TNR: variants seen among roughly 807,000 people sequenced by gnomAD.
TNR encodes tenascin-R.
TNR carries 45 observed loss-of-function variants against 150.4 expected under a neutral mutation model. That is an observed-to-expected ratio of 0.30 (90% CI 0.24 to 0.38). The LOEUF is 0.38. Among genes scored for constraint, TNR ranks in the 10% least tolerant of loss-of-function variants. TNR has a pLI of 1.00. For missense variants in TNR, 1,544 were observed against 1,759.1 expected, an observed-to-expected ratio of 0.88 and a Z score of 2.19; for synonymous variants, 687 against 678.4, an observed-to-expected ratio of 1.01 and a Z score of -0.20.
intron 1 of TNR, among the ~76,000 whole-genome samples, chr1:175,653,574 G>A (rs1665069803): frequency 6.6e-6 from 1 of 152,070 alleles, no homozygotes; most frequent in South Asian, 2.1e-4. Context: ...ACAAGAGAGG[G>A]GTCTGGTAGT....
intron 1 of TNR, among the ~76,000 whole-genome samples, chr1:175,679,847 G>T (rs1226432936): frequency 6.6e-6 from 1 of 152,200 alleles, no homozygotes; most frequent in Non-Finnish European, 1.5e-5. Flanking sequence ...CCATTGCTCT[G>T]ACTTCTGTTT....
At chr1:175,395,397 T>A (rs1348206470) in intron 5 of TNR, among the ~76,000 whole-genome samples, 1 of 152,234 alleles carries the variant, frequency 6.6e-6, no homozygotes, top group Admixed American at 6.5e-5. Flanking sequence ...TGGTAAGTCC[T>A]ATTTACTGGC....
At chr1:175,634,585 C>T (rs1239646303) in intron 1 of TNR, among the ~76,000 whole-genome samples, 3 of 152,130 alleles carry the variant, frequency 2.0e-5, no homozygotes, top group Non-Finnish European at 4.4e-5. Flanking sequence ...TTGTTTGGGA[C>T]TTAGTATGTG....
rs558771173 is a variant in TNR at position 175,316,088 on chromosome 1, C to A, written c.*7269G>T. 6.6e-6 allele frequency: 1 copy of A among 152,288 alleles called. No homozygotes were observed. Among genetic ancestry groups the A allele is most frequent in the African/African-American group, 2.4e-5 (1 of 41,548 alleles). 9.4% of individuals were successfully genotyped at this position (152,288 alleles called of 1,614,324 possible). On this transcript the variant is annotated 3_prime_UTR_variant, in exon 23 of 23. Transcript: ENST00000367674. The stretch of plus-strand genomic sequence containing the variant: ...TTCTGGGGTTCTTTCTTGGGGAGAT[C>A]TATTCCTTTATATATAAACATCATT...
intron 1 of TNR, among the ~76,000 whole-genome samples, chr1:175,708,162 G>A (rs1330849678): frequency 6.6e-6 from 1 of 152,104 alleles, no homozygotes; most frequent in Non-Finnish European, 1.5e-5. Context: ...CAGTAACATA[G>A]AAAGCCCAAT....
At chr1:175,739,287 C>T (rs1050608782) in intron 1 of TNR, among the ~76,000 whole-genome samples, 8 of 152,138 alleles carry the variant, frequency 5.3e-5, no homozygotes, top group African/African-American at 1.9e-4. Context: ...ACATTTTAAG[C>T]TCTACTAAAG....
chr1:175,354,272 G>T, intron 18 of TNR, 119 bp downstream of exon 18: 1 of 1,339,774 alleles, frequency 7.5e-7, no homozygotes, highest in South Asian at 1.5e-5. Flanking sequence ...GGAAAAGAAG[G>T]AGGAGGCAAC....
chr1:175,406,889 G>T, intron 2 of TNR, 112 bp from the exon 3 acceptor site: 1 of 755,954 alleles, frequency 1.3e-6, no homozygotes, highest in South Asian at 1.9e-5. Flanking sequence ...TTCAAGGGGG[G>T]GGCGTCAGGA....
At chr1:175,524,088 G>A (rs1052932467) in intron 2 of TNR, among the ~76,000 whole-genome samples, 1 of 151,926 alleles carries the variant, frequency 6.6e-6, no homozygotes, top group Non-Finnish European at 1.5e-5. Flanking sequence ...CCCAAGACAG[G>A]GCTAATAATG....
intron 6 of TNR, 36 bp from the exon 7 acceptor site, chr1:175,391,474 A>C: frequency 6.2e-7 from 1 of 1,602,756 alleles, no homozygotes; most frequent in Non-Finnish European, 8.5e-7. Flanking sequence ...CAAAAGAGAA[A>C]AGTCACTGGG....
At chr1:175,460,912 C>T (rs555384107) in intron 2 of TNR, among the ~76,000 whole-genome samples, 1 of 152,334 alleles carries the variant, frequency 6.6e-6, no homozygotes, top group South Asian at 2.1e-4. Flanking sequence ...CACACATGTA[C>T]ATGCTCATAT....
intron 1 of TNR, among the ~76,000 whole-genome samples, chr1:175,703,545 C>G (rs1666761134): frequency 1.3e-5 from 2 of 152,166 alleles, no homozygotes; most frequent in Non-Finnish European, 2.9e-5. Flanking sequence ...TCAGTTAACA[C>G]TTGGCTGTAC....
chr1:175,521,413 A>G (rs1042185938), intron 2 of TNR, among the ~76,000 whole-genome samples: 1 of 152,200 alleles, frequency 6.6e-6, no homozygotes, highest in African/African-American at 2.4e-5. Flanking sequence ...ACATGAGGAA[A>G]AAGATGCCTC....
In TNR at chr1:175,316,708, G is replaced by A. The variant is rs769206224; in HGVS notation, c.*6649C>T. On this transcript the variant is annotated 3_prime_UTR_variant, in exon 23 of 23. Coordinates refer to ENST00000367674, the MANE Select transcript of TNR (RefSeq NM_003285.3). Reference sequence around the variant, plus strand: ...GTGGGGTGGGGGGTATTGGGTTTATGTTCTGGTTCTTATCTTCCCCCTCTC... The same window carrying A: ...GTGGGGTGGGGGGTATTGGGTTTATATTCTGGTTCTTATCTTCCCCCTCTC... 4.6e-5 allele frequency: 7 copies of A among 152,044 alleles called. No individual in the cohort carries two copies. The highest frequency in any genetic ancestry group is 1.0e-4 in the Non-Finnish European group (7 of 67,996). 9.4% of individuals were successfully genotyped at this position (152,044 alleles called of 1,614,324 possible). A position where few individuals can be genotyped will look rare whatever the true frequency, so the allele number is the denominator to read the frequency against.
At position 175,365,075 on chromosome 1, in the gene TNR, A is replaced by G. The variant is rs750548490; in HGVS notation, c.2522T>C (p.Ile841Thr). ...GCCATGGACAGCCACAAGGTTCACA[A>G]TATACTCTGTGGCTGGTTGCAGGCC... ...LMGLQPATEY[I>T]VNLVAVHGTV... is the part of the protein sequence containing the mutation. The change falls in exon 12 of 23, where the codon ATT becomes ACT. Residue 841 changes from isoleucine (I) to threonine (T), a missense_variant. Ile to Thr is a moderately conservative substitution (Grantham distance 89). Coordinates refer to ENST00000367674, the MANE Select transcript of TNR (RefSeq NM_003285.3). The G allele has an allele frequency of 1.2e-6, 2 of 1,613,950 alleles. No individual in the cohort carries two copies. The highest frequency in any genetic ancestry group is 3.3e-5 in the Admixed American group (2 of 60,000).
At chr1:175,363,498 C>T (rs1651692711) in intron 13 of TNR, among the ~76,000 whole-genome samples, 1 of 152,142 alleles carries the variant, frequency 6.6e-6, no homozygotes, top group Non-Finnish European at 1.5e-5. Flanking sequence ...AGGGCCTGCT[C>T]TCTGGGTGAA....
At chr1:175,357,123 C>T (rs1651370877) in intron 15 of TNR, among the ~76,000 whole-genome samples, 2 of 152,146 alleles carry the variant, frequency 1.3e-5, no homozygotes. Context: ...ATTTTTTATA[C>T]CCATGGACAG....
rs368502172 is a variant in TNR at position 175,366,145 on chromosome 1, A to G, written c.2054-7T>C. The G allele has an allele frequency of 6.9e-6, 11 of 1,582,938 alleles. No homozygotes were observed. Among genetic ancestry groups the G allele is most frequent in the Non-Finnish European group, 9.5e-6 (11 of 1,163,666 alleles). ...TCTCGGGGACTGTCAAGTTCTGTGGATTGACATAAATGGCCTATTTTACAT... is the reference window on the plus strand; with the variant it reads ...TCTCGGGGACTGTCAAGTTCTGTGGGTTGACATAAATGGCCTATTTTACAT... On this transcript the variant is annotated splice_polypyrimidine_tract_variant and splice_region_variant and intron_variant, in intron 10 of 22. Transcript: ENST00000367674.
chr1:175,434,707 G>A (rs923082906), intron 2 of TNR, among the ~76,000 whole-genome samples: 1 of 152,024 alleles, frequency 6.6e-6, no homozygotes, highest in Non-Finnish European at 1.5e-5. Flanking sequence ...CCGGGAATAC[G>A]GTATGTGTGT....
Sources: allele counts gnomAD v4.1 joint callset (sites outside exome capture counted in the v4.1 genomes callset), GRCh38; gene constraint gnomAD v4.1.1; transcripts MANE v1.5; gene names NCBI Gene and HGNC (gene_info 2026-07-23, HGNC 2026-07-21).